Variants in PHF14 observed in about 807,000 individuals in gnomAD.
PHF14 encodes PHD finger protein 14.
Under a neutral mutation model 117.9 loss-of-function variants are expected in PHF14, and 55 were observed. That is an observed-to-expected ratio of 0.47 (90% CI 0.38 to 0.58). The LOEUF is 0.58. Ranked by LOEUF, PHF14 falls within the 20% of genes least tolerant of loss-of-function variation. The pLI, the probability that PHF14 is intolerant of heterozygous loss-of-function variation, is 0.00. For synonymous variants in PHF14, 409 were observed against 368.6 expected, an observed-to-expected ratio of 1.11 and a Z score of -1.26; for missense variants, 978 against 1,122.2, an observed-to-expected ratio of 0.87 and a Z score of 1.84.
intron 16 of PHF14, among the ~76,000 whole-genome samples, chr7:11,081,483 T>C (rs139350135): frequency 1.6e-4 from 24 of 152,292 alleles, no homozygotes; most frequent in Non-Finnish European, 2.4e-4. Context: ...CATCCTCTTA[T>C]TTGACCCCTT....
intron 14 of PHF14, among the ~76,000 whole-genome samples, chr7:11,060,647 G>T (rs950682303): frequency 5.3e-5 from 8 of 152,164 alleles, no homozygotes; most frequent in African/African-American, 1.4e-4. Flanking sequence ...ACCTTGAGAA[G>T]CAAGTCTCAG....
chr7:11,037,719 A>G (rs1784359355), intron 10 of PHF14, among the ~76,000 whole-genome samples: 1 of 152,206 alleles, frequency 6.6e-6, no homozygotes, highest in African/African-American at 2.4e-5. Context: ...CTTGACATAT[A>G]AAACGGGTAT....
At chr7:11,028,864 T>C (rs1435277461) in intron 7 of PHF14, 46 bp downstream of exon 7, 10 of 1,506,158 alleles carry the variant, frequency 6.6e-6, no homozygotes, top group South Asian at 3.4e-5. Flanking sequence ...TCACAAGATA[T>C]CTTTTGACTC....
intron 14 of PHF14, among the ~76,000 whole-genome samples, chr7:11,058,459 A>G (rs958663176): frequency 3.9e-5 from 6 of 152,052 alleles, no homozygotes; most frequent in Non-Finnish European, 7.4e-5. Context: ...GGTATTTTGT[A>G]TAGTTATATT....
At chr7:11,167,332 A>G (rs1036148721) in intron 17 of PHF14, among the ~76,000 whole-genome samples, 15 of 152,116 alleles carry the variant, frequency 9.9e-5, no homozygotes, top group African/African-American at 3.4e-4. Flanking sequence ...ATTTTTGCTT[A>G]TTTTTATTTT....
rs148102164 is a variant in PHF14, at chr7:11,080,191, A to G, written c.2654+18106A>G. 1.5e-3 allele frequency among the ~76,000 whole-genome samples: 222 copies of G among 152,268 alleles called. 3 individuals are homozygous for G. In the East Asian group the frequency reaches 0.038, roughly 26 times the overall value. ...ATAGACTTTGTAAGAATTTTGTAGC[A>G]TTAGATTTTCAGTTTTAGCTTTGAT... On this transcript the variant is annotated intron_variant, in intron 16 of 17. Transcript: ENST00000634607.
chr7:11,120,068 C>T (rs771956818), intron 17 of PHF14, among the ~76,000 whole-genome samples: 1 of 151,778 alleles, frequency 6.6e-6, no homozygotes, highest in Admixed American at 6.6e-5. Flanking sequence ...CAAAAAATTG[C>T]CATTAAATTG....
At chr7:11,070,491 T>C (rs1433865037) in intron 16 of PHF14, among the ~76,000 whole-genome samples, 4 of 152,252 alleles carry the variant, frequency 2.6e-5, no homozygotes, top group African/African-American at 9.6e-5. Flanking sequence ...CAGTGTTCAC[T>C]GTAACTATTT....
At chr7:11,164,564 C>A (rs1216318611) in intron 17 of PHF14, among the ~76,000 whole-genome samples, 5 of 152,140 alleles carry the variant, frequency 3.3e-5, no homozygotes, top group African/African-American at 1.2e-4. Context: ...ATTTTACTTA[C>A]TTTATTTGAA....
Position 11,042,883 on chromosome 7 carries a change from A to G in PHF14, c.2312+69A>G. ...CTTAGTTTCAGCAGTATAAGATGAA[A>G]TACTATATTTGTTCATAATAAAGTA... is the stretch of plus-strand genomic sequence containing the variant. On this transcript the variant is annotated intron_variant, in intron 13 of 17. Coordinates refer to ENST00000634607, the MANE Select transcript of PHF14 (RefSeq NM_001007157.2). 4 of 1,065,702 alleles carry G rather than the reference A, an allele frequency of 3.8e-6. No homozygotes were observed. In the East Asian group the frequency reaches 8.1e-5, roughly 22 times the overall value. The allele number at this position is 1,065,702 out of a possible 1,614,324, so 66.0% of individuals were successfully genotyped here. A position where few individuals can be genotyped will look rare whatever the true frequency, so the allele number is the denominator to read the frequency against.
At chr7:11,050,006 C>A (rs1480536522) in intron 13 of PHF14, among the ~76,000 whole-genome samples, 1 of 152,054 alleles carries the variant, frequency 6.6e-6, no homozygotes, top group Admixed American at 6.5e-5. Context: ...GTTTTGCTAA[C>A]CTATTCTTAA....
intron 16 of PHF14, among the ~76,000 whole-genome samples, chr7:11,089,952 G>T (rs1786580896): frequency 6.6e-6 from 1 of 152,038 alleles, no homozygotes; most frequent in African/African-American, 2.4e-5. Context: ...TGTATTTTTA[G>T]TAAAGACGGG....
chr7:11,099,010 A>G (rs1786983976), intron 16 of PHF14, among the ~76,000 whole-genome samples: 1 of 152,198 alleles, frequency 6.6e-6, no homozygotes, highest in African/African-American at 2.4e-5. Context: ...GTTCATTTCA[A>G]AAATGCTTTT....
At chr7:11,042,261 T>A (rs1404208063) in intron 12 of PHF14, among the ~76,000 whole-genome samples, 1 of 151,970 alleles carries the variant, frequency 6.6e-6, no homozygotes, top group Non-Finnish European at 1.5e-5. Context: ...TAAACTACCT[T>A]CTGTTTGTGA....
chr7:11,062,055 A>AG lies in PHF14; in HGVS notation c.2627dup (p.Thr877AsnfsTer5). On this transcript the variant is annotated frameshift_variant, in exon 16 of 18. Transcript: ENST00000634607. LOFTEE classifies it high-confidence loss of function. ...TTAAGAACTGAATGTGCAACTTGCAAGGGAACTGGAGACAATGAAAATCTT... is the reference window on the plus strand; with the variant it reads ...TTAAGAACTGAATGTGCAACTTGCAAGGGGAACTGGAGACAATGAAAATCTT... 1.2e-6 allele frequency: 2 copies of AG among 1,608,518 alleles called. No individual in the cohort carries two copies. The highest frequency in any genetic ancestry group is 1.7e-6 in the Non-Finnish European group (2 of 1,177,132).
chr7:11,081,401 A>T (rs973705412), intron 16 of PHF14, among the ~76,000 whole-genome samples: 10 of 152,214 alleles, frequency 6.6e-5, no homozygotes, highest in African/African-American at 1.2e-4. Context: ...ATAGTGAAAA[A>T]TATTTGGAAC....
intron 16 of PHF14, chr7:11,102,692 T>C: frequency 7.0e-7 from 1 of 1,428,638 alleles, no homozygotes; most frequent in Non-Finnish European, 9.2e-7. Flanking sequence ...ATATAATTGA[T>C]TGGTTTGTTA....
intron 13 of PHF14, among the ~76,000 whole-genome samples, chr7:11,048,446 C>T (rs1784747440): frequency 6.6e-6 from 1 of 152,032 alleles, no homozygotes; most frequent in Non-Finnish European, 1.5e-5. Flanking sequence ...GTGGCAGGCA[C>T]CTGTAATCCC....
chr7:10,984,003 A>C (rs1782133595), intron 3 of PHF14, among the ~76,000 whole-genome samples: 1 of 152,204 alleles, frequency 6.6e-6, no homozygotes, highest in South Asian at 2.1e-4. Context: ...TCTTACATGT[A>C]GATGTATCTG....
Sources: allele counts gnomAD v4.1 joint callset (sites outside exome capture counted in the v4.1 genomes callset), GRCh38; gene constraint gnomAD v4.1.1; transcripts MANE v1.5; gene names NCBI Gene and HGNC (gene_info 2026-07-23, HGNC 2026-07-21).